Variants in HDAC9 observed in about 807,000 individuals in gnomAD.
HDAC9 encodes MEF-2 interacting transcription repressor (MITR) protein.
HDAC9 carries 41 observed loss-of-function variants against 139.4 expected under a neutral mutation model. That is an observed-to-expected ratio of 0.29 (90% CI 0.23 to 0.38). HDAC9 has a LOEUF of 0.38. Among genes scored for constraint, HDAC9 ranks in the 10% least tolerant of loss-of-function variants. The pLI is 1.00. For synonymous variants in HDAC9, 517 were observed against 476.2 expected (o/e 1.09, Z -1.12); for missense variants, 1,147 against 1,297.0 (o/e 0.88, Z 1.78).
At chr7:18,148,142 C>T (rs1257195653) in intron 1 of HDAC9, among the ~76,000 whole-genome samples, 1 of 152,136 alleles carries the variant, frequency 6.6e-6, no homozygotes, top group African/African-American at 2.4e-5. Flanking sequence ...GCTACTGAAA[C>T]AAATTATCCT....
intron 1 of HDAC9, among the ~76,000 whole-genome samples, chr7:18,324,477 A>C (rs1166048032): frequency 6.6e-6 from 1 of 152,174 alleles, no homozygotes; most frequent in Non-Finnish European, 1.5e-5. Flanking sequence ...CATAATGTTA[A>C]CTTTCTACAA....
chr7:18,643,945 A>G (rs1239963137), intron 8 of HDAC9, among the ~76,000 whole-genome samples: 1 of 152,092 alleles, frequency 6.6e-6, no homozygotes, highest in African/African-American at 2.4e-5. Context: ...ATGTAATTCA[A>G]GCAACCATAT....
chr7:18,886,102 T>C (rs1196959028), intron 22 of HDAC9, among the ~76,000 whole-genome samples: 1 of 152,194 alleles, frequency 6.6e-6, no homozygotes, highest in Non-Finnish European at 1.5e-5. Context: ...TTGAGAATGA[T>C]TTTATTTTTA....
intron 17 of HDAC9, chr7:18,807,881 G>C (rs1793846816): frequency 6.6e-6 from 1 of 152,078 alleles, no homozygotes; most frequent in Admixed American, 6.6e-5. Flanking sequence ...GTGCACTTGA[G>C]GAGAATGTGT....
intron 21 of HDAC9, among the ~76,000 whole-genome samples, chr7:18,848,379 G>A (rs753198807): frequency 5.9e-5 from 9 of 152,090 alleles, no homozygotes; most frequent in Non-Finnish European, 1.3e-4. Flanking sequence ...AACCCTCAAT[G>A]TGATGGTGTT....
chr7:18,774,050 G>A (rs537515445), intron 16 of HDAC9, among the ~76,000 whole-genome samples: 24 of 151,952 alleles, frequency 1.6e-4, no homozygotes, highest in African/African-American at 5.5e-4. Flanking sequence ...TGAGCCATAA[G>A]CAGGCAGTTC....
At chr7:18,143,698 A>G (rs530857335) in intron 1 of HDAC9, among the ~76,000 whole-genome samples, 1 of 151,602 alleles carries the variant, frequency 6.6e-6, no homozygotes, top group African/African-American at 2.4e-5. Flanking sequence ...AGGCAGGAGA[A>G]TTGCTTGAAC....
chr7:18,149,550 TTTA>T (rs904847048), intron 1 of HDAC9, among the ~76,000 whole-genome samples: 1 of 150,764 alleles, frequency 6.6e-6, no homozygotes, highest in African/African-American at 2.4e-5. Flanking sequence ...TTATTTATTA[TTTA>T]TTATTATTTT....
intron 12 of HDAC9, among the ~76,000 whole-genome samples, chr7:18,715,258 G>A (rs560329609): frequency 6.6e-6 from 1 of 150,394 alleles, no homozygotes; most frequent in Non-Finnish European, 1.5e-5. Flanking sequence ...TTTTTTTAAA[G>A]CGGATACTTC....
chr7:18,639,229 G>A (rs1324772868), intron 8 of HDAC9, among the ~76,000 whole-genome samples: 1 of 152,028 alleles, frequency 6.6e-6, no homozygotes. Flanking sequence ...TAGTTGTTGT[G>A]ACATTTGCAG....
At chr7:18,934,399 A>G (rs577542103) in intron 22 of HDAC9, among the ~76,000 whole-genome samples, 6 of 152,310 alleles carry the variant, frequency 3.9e-5, no homozygotes, top group African/African-American at 1.2e-4. Context: ...AGCATTAGCA[A>G]AACAAATCCA....
intron 6 of HDAC9, among the ~76,000 whole-genome samples, chr7:18,616,845 G>A (rs1440712108): frequency 6.6e-6 from 1 of 152,212 alleles, no homozygotes; most frequent in African/African-American, 2.4e-5. Flanking sequence ...GAATGTATCT[G>A]AGGGGCTGTG....
chr7:18,139,121 CTTTTTTTTTTTT>C (rs552350047), intron 1 of HDAC9, among the ~76,000 whole-genome samples: 36 of 105,926 alleles, frequency 3.4e-4, no homozygotes, highest in African/African-American at 1.1e-3. Context: ...ATAATCTGGA[CTTTTTTTTTTTT>C]TTTTTTTTTT....
intron 21 of HDAC9, among the ~76,000 whole-genome samples, chr7:18,854,984 T>A (rs1480508892): frequency 6.6e-6 from 1 of 152,056 alleles, no homozygotes; most frequent in Non-Finnish European, 1.5e-5. Context: ...ATCACCTAGG[T>A]TTAAAATAAT....
chr7:18,977,849 G>T (rs1042280686), intron 25 of HDAC9, among the ~76,000 whole-genome samples: 2 of 150,864 alleles, frequency 1.3e-5, no homozygotes, highest in African/African-American at 4.9e-5. Context: ...AGGAAAAGAA[G>T]AATTCTTCTA....
At chr7:18,578,956 TA>T (rs1258042944) in intron 2 of HDAC9, among the ~76,000 whole-genome samples, 1 of 152,210 alleles carries the variant, frequency 6.6e-6, no homozygotes, top group African/African-American at 2.4e-5. Flanking sequence ...TGAGTATTGC[TA>T]TAGGAAGTTA....
intron 1 of HDAC9, among the ~76,000 whole-genome samples, chr7:18,449,032 T>A (rs1792555053): frequency 6.6e-6 from 1 of 152,162 alleles, no homozygotes. Flanking sequence ...AAATCTTACC[T>A]TTTTGTGCTG....
chr7:18,355,669 T>C (rs906371229), intron 1 of HDAC9, among the ~76,000 whole-genome samples: 3 of 152,212 alleles, frequency 2.0e-5, no homozygotes, highest in East Asian at 3.9e-4. Context: ...ATATACAGAG[T>C]GTGAGACATT....
At chr7:18,191,299 A>T (rs996970827) in intron 2 of HDAC9, among the ~76,000 whole-genome samples, 1 of 152,030 alleles carries the variant, frequency 6.6e-6, no homozygotes, top group Non-Finnish European at 1.5e-5. Flanking sequence ...AAAGTTACTT[A>T]ACTTGACTAC....
Sources: gnomAD v4.1 joint callset for allele counts (sites outside exome capture counted in the v4.1 genomes callset) on GRCh38, gnomAD v4.1.1 for gene constraint, MANE v1.5 for transcripts, NCBI Gene and HGNC (gene_info 2026-07-23, HGNC 2026-07-21) for gene names.